SAMD4A: variants seen among roughly 807,000 people sequenced by gnomAD.
SAMD4A encodes the protein protein Smaug homolog 1.
SAMD4A carries 33 observed loss-of-function variants against 81.3 expected under a neutral mutation model. That is an observed-to-expected ratio of 0.41 (90% CI 0.31 to 0.54). The LOEUF (loss-of-function observed/expected upper bound fraction) is 0.54, where lower values mean the gene tolerates loss of function less well. Among genes scored for constraint, SAMD4A ranks in the 20% least tolerant of loss-of-function variants. The pLI is 0.37. For missense variants in SAMD4A, 854 were observed against 951.1 expected (o/e 0.90, Z 1.34); for synonymous variants, 389 against 382.1 (o/e 1.02, Z -0.21).
At chr14:54,579,716 C>T (rs1046257604) in intron 2 of SAMD4A, among the ~76,000 whole-genome samples, 1 of 152,154 alleles carries the variant, frequency 6.6e-6, no homozygotes, top group African/African-American at 2.4e-5. Context: ...TTAAGGAAGA[C>T]TCATGGAATG....
At chr14:54,692,876 G>GCCTC in intron 2 of SAMD4A, 1 of 132,412 alleles carries the variant, frequency 7.6e-6, no homozygotes, top group Non-Finnish European at 1.6e-5. Flanking sequence ...ATCACTTAGT[G>GCCTC]CCCCCCCCCG....
chr14:54,576,840 C>G (rs1224999331), intron 2 of SAMD4A, among the ~76,000 whole-genome samples: 3 of 152,234 alleles, frequency 2.0e-5, no homozygotes, highest in African/African-American at 7.2e-5. Flanking sequence ...TCTCCAGCCA[C>G]TGTCTGCCTA....
At position 54,701,982 on chromosome 14, in the gene SAMD4A, A is replaced by G. The variant is rs1013964052; in HGVS notation, c.197-80A>G. ...ACTATGTAGATTGGGACCCTAATCC[A>G]TAAAAATTCTCTTTAGAGTATCTGT... On this transcript the variant is annotated intron_variant, in intron 2 of 12. Transcript: ENST00000554335. The G allele has an allele frequency of 4.1e-6, 6 of 1,457,830 alleles. No individual in the cohort carries two copies. The African/African-American group carries it at 7.0e-5, about 17-fold the overall frequency. The allele number at this position is 1,457,830 out of a possible 1,614,324, so 90.3% of individuals were successfully genotyped here.
intron 3 of SAMD4A, among the ~76,000 whole-genome samples, chr14:54,718,206 G>A (rs954062011): frequency 2.6e-5 from 4 of 152,230 alleles, no homozygotes; most frequent in East Asian, 1.9e-4. Context: ...GCATGTCTGC[G>A]TGTGAGCTGC....
upstream of SAMD4A, among the ~76,000 whole-genome samples, chr14:54,566,717 T>C (rs2032947204): frequency 6.6e-6 from 1 of 151,476 alleles, no homozygotes; most frequent in South Asian, 2.1e-4. Flanking sequence ...GACCAGCCCG[T>C]AGGCGGCGGC....
chr14:54,738,948 C>A (rs903532073), intron 4 of SAMD4A, among the ~76,000 whole-genome samples: 1 of 152,016 alleles, frequency 6.6e-6, no homozygotes. Flanking sequence ...TATAGAAGGG[C>A]CATTCACCAG....
chr14:54,750,960 G>A (rs975176176), intron 5 of SAMD4A, among the ~76,000 whole-genome samples: 1 of 152,182 alleles, frequency 6.6e-6, no homozygotes, highest in Non-Finnish European at 1.5e-5. Context: ...GTAGCCAGAC[G>A]GAGTTAGAAT....
chr14:54,727,424 G>A (rs949328243), intron 3 of SAMD4A, among the ~76,000 whole-genome samples: 1 of 151,902 alleles, frequency 6.6e-6, no homozygotes, highest in East Asian at 1.9e-4. Flanking sequence ...CCTGACCTCA[G>A]GTGATCCACC....
chr14:54,741,875 G>A (rs1456408404), intron 4 of SAMD4A, among the ~76,000 whole-genome samples: 1 of 152,178 alleles, frequency 6.6e-6, no homozygotes, highest in Non-Finnish European at 1.5e-5. Flanking sequence ...CCCATGGCTT[G>A]AGTGTTAAGG....
intron 2 of SAMD4A, among the ~76,000 whole-genome samples, chr14:54,611,883 A>G (rs1286038341): frequency 6.6e-6 from 1 of 151,942 alleles, no homozygotes; most frequent in Non-Finnish European, 1.5e-5. Context: ...TCTAAAAAAA[A>G]AAAAAAAGAA....
chr14:54,711,944 C>G (rs1395719790), intron 3 of SAMD4A, among the ~76,000 whole-genome samples: 1 of 152,158 alleles, frequency 6.6e-6, no homozygotes, highest in Non-Finnish European at 1.5e-5. Flanking sequence ...GAAGTCCTTC[C>G]TCTTCCTTTT....
intron 2 of SAMD4A, among the ~76,000 whole-genome samples, chr14:54,626,729 C>T (rs528737138): frequency 6.6e-6 from 1 of 152,006 alleles, no homozygotes; most frequent in South Asian, 2.1e-4. Flanking sequence ...AGCAGGAGAA[C>T]AGCAATTCTC....
intron 2 of SAMD4A, among the ~76,000 whole-genome samples, chr14:54,633,650 G>A (rs1055633794): frequency 2.0e-5 from 3 of 152,074 alleles, no homozygotes; most frequent in Non-Finnish European, 4.4e-5. Context: ...AGGATGGGGA[G>A]GGGGCAGGAG....
At chr14:54,596,198 A>G (rs963664200) in intron 2 of SAMD4A, among the ~76,000 whole-genome samples, 7 of 152,288 alleles carry the variant, frequency 4.6e-5, no homozygotes, top group Admixed American at 2.6e-4. Context: ...ACTAACAAAG[A>G]TGTAGGCAGG....
intron 11 of SAMD4A, 43 bp from the exon 12 acceptor site, chr14:54,784,494 T>C (rs769901568): frequency 6.2e-7 from 1 of 1,613,182 alleles, no homozygotes; most frequent in South Asian, 1.1e-5. Flanking sequence ...GGCACCCTGC[T>C]TATCTCCTCC....
At chr14:54,695,953 GA>G (rs35817270) in intron 2 of SAMD4A, among the ~76,000 whole-genome samples, 25,841 of 78,424 alleles carry the variant, frequency 0.33, 2,900 homozygotes, top group Non-Finnish European at 0.41. Context: ...CTCCATCTCA[GA>G]AAAAAAAAAA....
rs145525635 is a variant in SAMD4A, at chr14:54,619,097, T to G, written c.196+50985T>G. Among the ~76,000 whole-genome samples the G allele has an allele frequency of 2.0e-3, 310 of 152,354 alleles. 2 individuals are homozygous for G. Among genetic ancestry groups the G allele is most frequent in the South Asian group, 0.013 (64 of 4,832 alleles). ...GTGTAGACAACTGCCATCAAATGCATTCTTAACAATGATTTAAAATAGAAT... is the reference window on the plus strand; with the variant it reads ...GTGTAGACAACTGCCATCAAATGCAGTCTTAACAATGATTTAAAATAGAAT... On this transcript the variant is annotated intron_variant, in intron 2 of 12. Coordinates refer to ENST00000554335, the MANE Select transcript of SAMD4A (RefSeq NM_015589.6).
At chr14:54,725,652 T>C (rs2037396099) in intron 3 of SAMD4A, among the ~76,000 whole-genome samples, 1 of 152,260 alleles carries the variant, frequency 6.6e-6, no homozygotes, top group Non-Finnish European at 1.5e-5. Flanking sequence ...TTATACCAAG[T>C]TATTCTTACT....
intron 2 of SAMD4A, among the ~76,000 whole-genome samples, chr14:54,614,842 GGGA>G (rs1185850201): frequency 2.0e-5 from 3 of 152,150 alleles, no homozygotes. Context: ...CCTGTGACAT[GGGA>G]AGTGGCTCTG....
Sources: gnomAD v4.1 joint callset for allele counts (sites outside exome capture counted in the v4.1 genomes callset) on GRCh38, gnomAD v4.1.1 for gene constraint, MANE v1.5 for transcripts, NCBI Gene and HGNC (gene_info 2026-07-23, HGNC 2026-07-21) for gene names.